MACF1: variants seen among roughly 807,000 people sequenced by gnomAD.
The protein encoded by MACF1 is microtubule-actin cross-linking factor 1.
In MACF1, 193 loss-of-function variants were observed where a neutral mutation model predicts 854.8. The observed-to-expected ratio is 0.23, with a 90% CI of 0.20 to 0.25. The LOEUF (loss-of-function observed/expected upper bound fraction) is 0.25, where lower values mean the gene tolerates loss of function less well. Ranked by LOEUF, MACF1 falls within the 10% of genes least tolerant of loss-of-function variation. The probability of loss-of-function intolerance (pLI) is 1.00; values close to 1 mark genes in which losing one functional copy is unlikely to be tolerated. For synonymous variants in MACF1, 3,185 were observed against 3,226.7 expected, an observed-to-expected ratio of 0.99 and a Z score of 0.44; for missense variants, 7,722 against 8,929.1, an observed-to-expected ratio of 0.86 and a Z score of 5.45.
At chr1:39,186,204 CTCTCTCTCTCTG>C (rs1247732208) in intron 2 of MACF1, among the ~76,000 whole-genome samples, 6 of 64,720 alleles carry the variant, frequency 9.3e-5, no homozygotes, top group African/African-American at 2.9e-4. Flanking sequence ...CTCTCTCTCT[CTCTCTCTCTCTG>C]TGTGTGTGTG....
At chr1:39,204,640 C>T (rs1019352160), upstream of MACF1, 3 of 159,452 alleles carry the variant, frequency 1.9e-5, no homozygotes, top group South Asian at 1.9e-4. Flanking sequence ...ACCCTCCCTT[C>T]TTGTAGAAGG....
In MACF1 at chr1:39,283,980, T is replaced by C; in HGVS notation, c.916-86T>C. On this transcript the variant is annotated intron_variant, in intron 9 of 100. Transcript: ENST00000564288. This position sits in a 1 kb window ranked among gnomAD's most constrained non-coding sequence, Gnocchi z 4.5. ...GCAATTAAAGGAAATGGATTTTATA[T>C]AGTTTGGAGTGGCCTGAGCTACTTT... 1 of 1,420,196 alleles carries C rather than the reference T, an allele frequency of 7.0e-7. No individual in the cohort carries two copies. Among genetic ancestry groups the C allele is most frequent in the African/African-American group, 1.4e-5 (1 of 70,010 alleles). The allele number at this position is 1,420,196 out of a possible 1,614,324, so 88.0% of individuals were successfully genotyped here.
chr1:39,310,135 A>G lies in MACF1; in HGVS notation c.2917-110A>G, dbSNP rs948378395. On this transcript the variant is annotated intron_variant, in intron 24 of 100. Transcript: ENST00000564288. ...AATTATAAAAATCAACATGTTTACG[A>G]TTATGGTTTATGCACTGTTTTGTAT... 7 of 852,438 alleles carry G rather than the reference A, an allele frequency of 8.2e-6. No individual in the cohort carries two copies. In the African/African-American group the frequency reaches 1.2e-4, roughly 15 times the overall value. The allele number at this position is 852,438 out of a possible 1,614,324, so 52.8% of individuals were successfully genotyped here. A position where few individuals can be genotyped will look rare whatever the true frequency, so the allele number is the denominator to read the frequency against.
intron 97 of MACF1, among the ~76,000 whole-genome samples, chr1:39,477,146 A>AT (rs1644922698): frequency 6.7e-6 from 1 of 148,504 alleles, no homozygotes; most frequent in African/African-American, 2.5e-5. Context: ...ACACACACAC[A>AT]CACACACAGA....
chr1:39,260,617 C>T (rs1367312295), intron 6 of MACF1: 1 of 152,200 alleles, frequency 6.6e-6, no homozygotes, highest in Non-Finnish European at 1.5e-5. Flanking sequence ...CTCAGCTTCT[C>T]AAAGTGCTGG....
intron 1 of MACF1, among the ~76,000 whole-genome samples, chr1:39,227,337 G>C (rs912591370): frequency 2.6e-5 from 4 of 152,098 alleles, no homozygotes; most frequent in African/African-American, 9.7e-5. Context: ...CTCTCCGGTG[G>C]TTTTATGTTT....
At chr1:39,383,112 A>G (rs1045271953) in intron 56 of MACF1, among the ~76,000 whole-genome samples, 2 of 152,092 alleles carry the variant, frequency 1.3e-5, no homozygotes, top group Non-Finnish European at 2.9e-5. Flanking sequence ...CAGAGCAAAA[A>G]CTGCTTCAAA....
chr1:39,321,027 C>CT (rs1454409490), intron 31 of MACF1, among the ~76,000 whole-genome samples: 1 of 152,186 alleles, frequency 6.6e-6, no homozygotes, highest in Non-Finnish European at 1.5e-5. Flanking sequence ...TTCTGTGACT[C>CT]TTACTAGAAT....
At position 39,458,653 on chromosome 1, in the gene MACF1, A is replaced by G. The variant is rs988311996; in HGVS notation, c.21196+163A>G. 53 of 840,080 alleles carry G rather than the reference A, an allele frequency of 6.3e-5. 2 individuals are homozygous for G. In the South Asian group the frequency reaches 9.3e-4, roughly 15 times the overall value. The allele number at this position is 840,080 out of a possible 1,614,324, so 52.0% of individuals were successfully genotyped here. On this transcript the variant is annotated intron_variant, in intron 90 of 100. Transcript: ENST00000564288. Reference sequence around the variant, plus strand: ...AAACTCACTTTTCTTACATTGACAGACAGTAGCTGTACTCCATATTCTTTG... The same window carrying G: ...AAACTCACTTTTCTTACATTGACAGGCAGTAGCTGTACTCCATATTCTTTG...
rs181383093 is a variant in MACF1, at chr1:39,374,751, A to T, written c.13213+2155A>T. Among the ~76,000 whole-genome samples, 465 of 151,538 alleles carry T rather than the reference A, an allele frequency of 3.1e-3. 1 individual carries two copies. Among genetic ancestry groups the T allele is most frequent in the Admixed American group, 7.0e-3 (106 of 15,194 alleles). The stretch of plus-strand genomic sequence containing the variant: ...GACTCCTAGACTAGATCATTTTTTT[A>T]AAAAAAAACCAGAAATCTCATATAG... On this transcript the variant is annotated intron_variant, in intron 52 of 100. Coordinates refer to ENST00000564288, the MANE Select transcript of MACF1 (RefSeq NM_001394062.1).
At chr1:39,198,405 C>T (rs1055336570) in intron 2 of MACF1, among the ~76,000 whole-genome samples, 3 of 151,864 alleles carry the variant, frequency 2.0e-5, no homozygotes, top group African/African-American at 7.3e-5. Context: ...GTAATCCCAG[C>T]ACTTTGGGAG....
chr1:39,388,330 G>A lies in MACF1; in HGVS notation c.15488G>A (p.Arg5163Gln), dbSNP rs185233667. 4.6e-4 allele frequency: 750 copies of A among 1,614,126 alleles called. 4 individuals carry two copies. Among genetic ancestry groups the A allele is most frequent in the Admixed American group, 3.7e-4 (22 of 60,004 alleles). The change falls in exon 58 of 101, where the codon CGG becomes CAG. Residue 5163 changes from arginine (R) to glutamine (Q), a missense_variant. Coordinates refer to ENST00000564288, the MANE Select transcript of MACF1 (RefSeq NM_001394062.1). ...DSLQSQIEDV[R>Q]LFLNKIHVLK... Reference sequence around the variant, plus strand: ...CTCCAGTCCCAAATCGAGGATGTCCGGCTATTCCTTAACAAAATTCACGTC... The same window carrying A: ...CTCCAGTCCCAAATCGAGGATGTCCAGCTATTCCTTAACAAAATTCACGTC...
At chr1:39,411,375 A>G in intron 58 of MACF1, 1 of 1,614,042 alleles carries the variant, frequency 6.2e-7, no homozygotes, top group Non-Finnish European at 8.5e-7. Context: ...CAAACACAGC[A>G]GTGGTGGAGG....
At chr1:39,363,286 G>A (rs569635980) in intron 49 of MACF1, among the ~76,000 whole-genome samples, 116 of 152,204 alleles carry the variant, frequency 7.6e-4, no homozygotes, top group African/African-American at 2.7e-3. Context: ...TTATACTCAA[G>A]GTATAGGAAG....
At position 39,454,894 on chromosome 1, in the gene MACF1, C is replaced by G; in HGVS notation, c.20887-15C>G. 3.1e-6 allele frequency: 5 copies of G among 1,602,934 alleles called. No individual in the cohort carries two copies. Among genetic ancestry groups the G allele is most frequent in the Non-Finnish European group, 4.3e-6 (5 of 1,175,124 alleles). On this transcript the variant is annotated splice_polypyrimidine_tract_variant and intron_variant, in intron 88 of 100. Coordinates refer to ENST00000564288, the MANE Select transcript of MACF1 (RefSeq NM_001394062.1). The stretch of plus-strand genomic sequence containing the variant: ...CTTGACTGAAAGAGGCCATGGTTTC[C>G]TTCTTTTTCCACAGGTCCTGACATG...
chr1:39,298,755 C>CAAA, intron 21 of MACF1: 1 of 381,080 alleles, frequency 2.6e-6, no homozygotes, highest in Non-Finnish European at 5.1e-6. Context: ...CCTGACTTTT[C>CAAA]AGATGTTGTC....
Position 39,486,049 on chromosome 1 carries a change from G to T in MACF1, c.*255G>T. The T allele has an allele frequency of 3.1e-6, 1 of 324,102 alleles. No individual in the cohort carries two copies. The highest frequency in any genetic ancestry group is 5.5e-6 in the Non-Finnish European group (1 of 181,490). The allele number at this position is 324,102 out of a possible 1,614,324, so 20.1% of individuals were successfully genotyped here. ...AATATTTGAGAAAAACAAGTGAAAA[G>T]GTCAAGATACAAATGTGTATTAAAA... On this transcript the variant is annotated 3_prime_UTR_variant, in exon 101 of 101. Coordinates refer to ENST00000564288, the MANE Select transcript of MACF1 (RefSeq NM_001394062.1).
chr1:39,225,282 T>G (rs1249535986), intron 1 of MACF1, among the ~76,000 whole-genome samples: 1 of 145,836 alleles, frequency 6.9e-6, no homozygotes, highest in Non-Finnish European at 1.5e-5. Flanking sequence ...AGTGGCGCAA[T>G]CTCGGCTCAC....
chr1:39,442,066 G>A lies in MACF1; in HGVS notation c.18774+13G>A. Reference sequence around the variant, plus strand: ...AAATGAAATGAAGGTTTGTATCTGGGTATGGCTTTTGAAGAAGAATTGTTT... The same window carrying A: ...AAATGAAATGAAGGTTTGTATCTGGATATGGCTTTTGAAGAAGAATTGTTT... On this transcript the variant is annotated intron_variant, in intron 75 of 100. Transcript: ENST00000564288. 1.2e-6 allele frequency: 2 copies of A among 1,602,438 alleles called. No homozygotes were observed. Among genetic ancestry groups the A allele is most frequent in the East Asian group, 2.2e-5 (1 of 44,818 alleles).
Sources: allele counts gnomAD v4.1 joint callset (sites outside exome capture counted in the v4.1 genomes callset), GRCh38; gene constraint gnomAD v4.1.1; non-coding constraint Gnocchi (gnomAD v3.1); transcripts MANE v1.5; gene names NCBI Gene and HGNC (gene_info 2026-07-23, HGNC 2026-07-21).